Variants in CNTN5 observed in about 807,000 individuals in gnomAD.
The protein encoded by CNTN5 is contactin-5.
Under a neutral mutation model 129.1 loss-of-function variants are expected in CNTN5, and 77 were observed. That is an observed-to-expected ratio of 0.60 (90% CI 0.50 to 0.72). CNTN5 has a LOEUF of 0.72. CNTN5 is among the 30% of genes least tolerant of loss of function. The pLI, the probability that CNTN5 is intolerant of heterozygous loss-of-function variation, is 0.00. For synonymous variants in CNTN5, 509 were observed against 465.6 expected (o/e 1.09, Z -1.20); for missense variants, 1,478 against 1,328.8 (o/e 1.11, Z -1.75).
chr11:99,903,243 C>T (rs1195283434), intron 6 of CNTN5, among the ~76,000 whole-genome samples: 3 of 151,656 alleles, frequency 2.0e-5, no homozygotes, highest in East Asian at 2.0e-4. Flanking sequence ...CACACATATG[C>T]GAACAGCATA....
intron 2 of CNTN5, among the ~76,000 whole-genome samples, chr11:99,510,769 G>A (rs1431108813): frequency 6.6e-6 from 1 of 152,140 alleles, no homozygotes; most frequent in Non-Finnish European, 1.5e-5. Context: ...ATACAACTAT[G>A]TTACTGGTTT....
chr11:100,066,064 C>T (rs1242022074), intron 10 of CNTN5, among the ~76,000 whole-genome samples: 1 of 151,952 alleles, frequency 6.6e-6, no homozygotes, highest in African/African-American at 2.4e-5. Flanking sequence ...AAAGTGATGC[C>T]ATATGTATAT....
intron 3 of CNTN5, among the ~76,000 whole-genome samples, chr11:99,762,474 T>C (rs1324470284): frequency 2.0e-5 from 3 of 151,968 alleles, no homozygotes; most frequent in African/African-American, 7.2e-5. Context: ...AGTTTCAGCT[T>C]TCTCCATATG....
chr11:100,284,977 C>CTTGA (rs1950738320), intron 18 of CNTN5, among the ~76,000 whole-genome samples: 1 of 152,146 alleles, frequency 6.6e-6, no homozygotes, highest in Non-Finnish European at 1.5e-5. Flanking sequence ...GGAAGTATGT[C>CTTGA]ATTTAAGGCT....
At chr11:99,333,942 ATCAAC>A (rs1866108541) in intron 2 of CNTN5, among the ~76,000 whole-genome samples, 1 of 142,174 alleles carries the variant, frequency 7.0e-6, no homozygotes, top group South Asian at 2.3e-4. Context: ...TATAGTGATT[ATCAAC>A]TCATCAACTT....
At chr11:99,195,911 A>G (rs1033155765) in intron 1 of CNTN5, among the ~76,000 whole-genome samples, 1 of 152,030 alleles carries the variant, frequency 6.6e-6, no homozygotes, top group Non-Finnish European at 1.5e-5. Context: ...TATTCTGTCT[A>G]CAGAATTCCA....
chr11:99,863,506 A>G (rs1392310314), intron 6 of CNTN5, among the ~76,000 whole-genome samples: 1 of 152,172 alleles, frequency 6.6e-6, no homozygotes, highest in East Asian at 1.9e-4. Context: ...GGAAGTGAAT[A>G]TATAGTAAGA....
chr11:99,075,694 G>T (rs1865535294), intron 1 of CNTN5, among the ~76,000 whole-genome samples: 1 of 151,992 alleles, frequency 6.6e-6, no homozygotes, highest in Non-Finnish European at 1.5e-5. Context: ...AACTCTTAAG[G>T]GAATTGTCAT....
intron 15 of CNTN5, among the ~76,000 whole-genome samples, chr11:100,203,213 T>G (rs917923080): frequency 6.6e-6 from 1 of 152,104 alleles, no homozygotes; most frequent in Admixed American, 6.6e-5. Flanking sequence ...CCTCTTCAGA[T>G]GTTCTGTGGG....
At chr11:100,350,580 C>A in intron 23 of CNTN5, 122 bp from the exon 24 acceptor site, 3 of 634,882 alleles carry the variant, frequency 4.7e-6, no homozygotes, top group Admixed American at 3.2e-5. Flanking sequence ...ATTACATTTG[C>A]TTATGTATCT....
intron 8 of CNTN5, among the ~76,000 whole-genome samples, chr11:99,961,874 AC>A (rs1467429384): frequency 6.6e-6 from 1 of 151,770 alleles, no homozygotes; most frequent in Non-Finnish European, 1.5e-5. Context: ...TTCAGTCATG[AC>A]CCCCACACAC....
chr11:99,194,289 AAGT>A (rs1858792569), intron 1 of CNTN5, among the ~76,000 whole-genome samples: 1 of 152,134 alleles, frequency 6.6e-6, no homozygotes, highest in South Asian at 2.1e-4. Context: ...AAAGAGATAA[AAGT>A]AGCACATTTT....
At chr11:100,258,504 A>C (rs1051704561) in intron 17 of CNTN5, among the ~76,000 whole-genome samples, 3 of 152,230 alleles carry the variant, frequency 2.0e-5, no homozygotes, top group Admixed American at 6.5e-5. Flanking sequence ...ACCAAGGTTG[A>C]AATGAAGGAA....
At chr11:99,620,883 T>TA (rs1394527559) in intron 3 of CNTN5, among the ~76,000 whole-genome samples, 1 of 151,928 alleles carries the variant, frequency 6.6e-6, no homozygotes, top group African/African-American at 2.4e-5. Flanking sequence ...GACAGAAAAA[T>TA]AAAAACTTTA....
At chr11:99,881,138 G>A (rs965556295) in intron 6 of CNTN5, among the ~76,000 whole-genome samples, 5 of 152,170 alleles carry the variant, frequency 3.3e-5, no homozygotes, top group African/African-American at 9.6e-5. Flanking sequence ...TATGTTTCTG[G>A]ATTGGTACAG....
At chr11:99,977,724 C>G (rs1938080693) in intron 8 of CNTN5, among the ~76,000 whole-genome samples, 1 of 152,158 alleles carries the variant, frequency 6.6e-6, no homozygotes, top group South Asian at 2.1e-4. Flanking sequence ...CTAGTTACCT[C>G]TCATGAGGCC....
intron 1 of CNTN5, among the ~76,000 whole-genome samples, chr11:99,034,513 G>A (rs938500446): frequency 1.7e-4 from 26 of 151,256 alleles, no homozygotes; most frequent in Admixed American, 1.0e-3. Flanking sequence ...TGTATGTGTC[G>A]AGGAATTTAT....
At chr11:99,796,034 G>A (rs1345195498) in intron 3 of CNTN5, among the ~76,000 whole-genome samples, 3 of 152,092 alleles carry the variant, frequency 2.0e-5, no homozygotes, top group Admixed American at 2.0e-4. Context: ...TGGGGTGTTG[G>A]CTTCTATACA....
At chr11:99,348,952 T>G (rs190823321) in intron 2 of CNTN5, among the ~76,000 whole-genome samples, 31 of 152,308 alleles carry the variant, frequency 2.0e-4, no homozygotes, top group African/African-American at 7.5e-4. Flanking sequence ...AGGTTCAGTA[T>G]AGCCAAATAA....
Sources: allele counts gnomAD v4.1 joint callset (sites outside exome capture counted in the v4.1 genomes callset), GRCh38; gene constraint gnomAD v4.1.1; transcripts MANE v1.5; gene names NCBI Gene and HGNC (gene_info 2026-07-23, HGNC 2026-07-21).